Variants in STK38L observed in about 807,000 individuals in gnomAD.
STK38L encodes the protein serine/threonine kinase 38 like.
STK38L carries 28 observed loss-of-function variants against 59.7 expected under a neutral mutation model. The ratio of observed to expected loss-of-function variants is 0.47; its 90% CI spans 0.35 to 0.64. The LOEUF is 0.64. Among genes scored for constraint, STK38L ranks in the 30% least tolerant of loss-of-function variants. STK38L has a pLI of 0.01. For synonymous variants in STK38L, 162 were observed against 176.8 expected, an observed-to-expected ratio of 0.92 and a Z score of 0.66; for missense variants, 314 against 555.8, an observed-to-expected ratio of 0.56 and a Z score of 4.37.
chr12:27,267,510 C>A (rs1943324757), intron 1 of STK38L, among the ~76,000 whole-genome samples: 1 of 152,230 alleles, frequency 6.6e-6, no homozygotes. Flanking sequence ...GGTCTCAAGC[C>A]ATCTTCCCAC....
intron 3 of STK38L, among the ~76,000 whole-genome samples, chr12:27,304,697 C>G (rs1944265415): frequency 6.6e-6 from 1 of 151,876 alleles, no homozygotes; most frequent in South Asian, 2.1e-4. Flanking sequence ...TATTATACAT[C>G]ATTATATTGA....
Position 27,317,414 on chromosome 12 carries a change from TGG to T in STK38L, c.917_918del (p.Trp306LeufsTer9). 6.2e-7 allele frequency: 1 copy of T among 1,613,166 alleles called. No individual in the cohort carries two copies. The highest frequency in any genetic ancestry group is 8.5e-7 in the Non-Finnish European group (1 of 1,179,770). On this transcript the variant is annotated frameshift_variant, in exon 10 of 14. Transcript: ENST00000389032. LOFTEE classifies it high-confidence loss of function. ...MQTGYNKLCD[W>X]WSLGVIMYEM... ...GACTGGTTACAACAAATTGTGTGAC[TGG>T]TGGTCTTTGGGAGTGATTATGTATG...
chr12:27,274,638 A>G (rs942886098), intron 1 of STK38L, among the ~76,000 whole-genome samples: 3 of 152,232 alleles, frequency 2.0e-5, no homozygotes, highest in African/African-American at 7.2e-5. Flanking sequence ...TATAGGTGCT[A>G]TGCTTGAAGC....
Position 27,297,864 on chromosome 12 carries a change from G to C in STK38L, c.134+10G>C, listed in dbSNP as rs1944063590. On this transcript the variant is annotated intron_variant, in intron 2 of 13. Coordinates refer to ENST00000389032, the MANE Select transcript of STK38L (RefSeq NM_015000.4). Reference sequence around the variant, plus strand: ...AAGAGAGAGAAACCAGGTATAGTAAGGGCTAATCAAAACTTTTTTTAGTTA... The same window carrying C: ...AAGAGAGAGAAACCAGGTATAGTAACGGCTAATCAAAACTTTTTTTAGTTA... The C allele has an allele frequency of 1.1e-5, 17 of 1,612,392 alleles. No homozygotes were observed. Among genetic ancestry groups the C allele is most frequent in the Non-Finnish European group, 1.4e-5 (17 of 1,179,524 alleles).
At chr12:27,314,690 G>T (rs370153032) in intron 7 of STK38L, 32 bp downstream of exon 7, 10 of 1,553,796 alleles carry the variant, frequency 6.4e-6, no homozygotes, top group Non-Finnish European at 8.7e-6. Context: ...TTACTAGGCT[G>T]TTGATTATTT....
chr12:27,306,648 A>G (rs1210554176), intron 3 of STK38L, among the ~76,000 whole-genome samples: 5 of 151,830 alleles, frequency 3.3e-5, no homozygotes, highest in African/African-American at 4.8e-5. Context: ...GTTAAAACTG[A>G]TATTTAAGTA....
chr12:27,259,214 C>G (rs1943152388), intron 1 of STK38L, among the ~76,000 whole-genome samples: 1 of 152,114 alleles, frequency 6.6e-6, no homozygotes, highest in Non-Finnish European at 1.5e-5. Context: ...TGTTCATTTT[C>G]TTTTGTTATG....
intron 1 of STK38L, among the ~76,000 whole-genome samples, chr12:27,258,821 C>T (rs1943144582): frequency 6.6e-6 from 1 of 152,178 alleles, no homozygotes; most frequent in African/African-American, 2.4e-5. Flanking sequence ...GTCATACCTA[C>T]ATTTTGATAA....
At chr12:27,256,751 T>A (rs1943099807) in intron 1 of STK38L, among the ~76,000 whole-genome samples, 1 of 152,258 alleles carries the variant, frequency 6.6e-6, no homozygotes, top group South Asian at 2.1e-4. Flanking sequence ...GATAATTTTA[T>A]GTCACTGCAA....
chr12:27,319,292 C>T, intron 11 of STK38L, 36 bp from the exon 12 acceptor site: 1 of 1,393,598 alleles, frequency 7.2e-7, no homozygotes. Context: ...TTAGATGTAA[C>T]TTGTGTATGA....
intron 1 of STK38L, among the ~76,000 whole-genome samples, chr12:27,271,339 T>G (rs977269057): frequency 6.6e-6 from 1 of 152,216 alleles, no homozygotes; most frequent in Non-Finnish European, 1.5e-5. Context: ...ACATTTTCAC[T>G]GTGGTTGGTG....
chr12:27,264,727 A>G (rs1346760712), intron 1 of STK38L, among the ~76,000 whole-genome samples: 2 of 152,232 alleles, frequency 1.3e-5, no homozygotes, highest in South Asian at 4.1e-4. Flanking sequence ...TGTGTAGGTT[A>G]TATGCCAATA....
intron 1 of STK38L, among the ~76,000 whole-genome samples, chr12:27,287,364 C>T (rs1207452193): frequency 2.0e-5 from 3 of 152,182 alleles, no homozygotes; most frequent in Non-Finnish European, 4.4e-5. Context: ...CCCGTCTCAG[C>T]CTCTCAAAGT....
Position 27,322,414 on chromosome 12 carries a change from C to T in STK38L, c.1354C>T (p.Arg452Cys), listed in dbSNP as rs779567614. The T allele has an allele frequency of 1.9e-6, 3 of 1,613,980 alleles. No homozygotes were observed. The highest frequency in any genetic ancestry group is 1.1e-5 in the South Asian group (1 of 91,072). Residue 452 changes from arginine to cysteine, a missense_variant, in exon 14 of 14, where the codon CGT becomes TGT. Transcript: ENST00000389032. ...TAAAAGGTTTGAAGGGTTGACTCAACGTGGCTCTATCCCCACCTACATGAA... is the reference window on the plus strand; with the variant it reads ...TAAAAGGTTTGAAGGGTTGACTCAATGTGGCTCTATCCCCACCTACATGAA... ...TYKRFEGLTQ[R>C]GSIPTYMKAG...
At chr12:27,310,144 GTTAGGTTAAGAAGGTAATAGGAACCA>G (rs1944421599) in intron 5 of STK38L, among the ~76,000 whole-genome samples, 1 of 152,180 alleles carries the variant, frequency 6.6e-6, no homozygotes, top group African/African-American at 2.4e-5. Context: ...CCTAGTTTCA[GTTAGGTTAAGAAGGTAATAGGAACCA>G]TCAGGAGACA....
At chr12:27,321,652 T>C (rs1485186732) in intron 12 of STK38L, among the ~76,000 whole-genome samples, 11 of 152,126 alleles carry the variant, frequency 7.2e-5, no homozygotes, top group African/African-American at 2.4e-4. Context: ...TACAGAGATA[T>C]AAAAATGGCA....
chr12:27,266,948 C>G (rs548360581), intron 1 of STK38L, among the ~76,000 whole-genome samples: 2 of 152,310 alleles, frequency 1.3e-5, no homozygotes, highest in Non-Finnish European at 2.9e-5. Flanking sequence ...TTCCCTCAGA[C>G]ATATTTAAGA....
intron 3 of STK38L, among the ~76,000 whole-genome samples, chr12:27,303,785 G>T (rs1241506122): frequency 1.3e-5 from 2 of 152,116 alleles, no homozygotes; most frequent in Non-Finnish European, 2.9e-5. Context: ...TTAGAGGTAA[G>T]GGATGTATAC....
At chr12:27,301,297 C>T (rs1237106501) in intron 2 of STK38L, among the ~76,000 whole-genome samples, 4 of 152,126 alleles carry the variant, frequency 2.6e-5, no homozygotes, top group Non-Finnish European at 2.9e-5. Flanking sequence ...CTCACTCTGT[C>T]GCCCATGCTG....
Sources: gnomAD v4.1 joint callset for allele counts (sites outside exome capture counted in the v4.1 genomes callset) on GRCh38, gnomAD v4.1.1 for gene constraint, MANE v1.5 for transcripts, NCBI Gene and HGNC (gene_info 2026-07-23, HGNC 2026-07-21) for gene names.